The following FHIT variants were observed in gnomAD, a reference collection of about 807,000 sequenced individuals.
FHIT encodes the protein bis(5'-adenosyl)-triphosphatase.
FHIT carries 19 observed loss-of-function variants against 17.9 expected under a neutral mutation model. The observed-to-expected ratio is 1.06, with a 90% CI of 0.74 to 1.56. The LOEUF (loss-of-function observed/expected upper bound fraction) is 1.56. Among genes scored for constraint, FHIT ranks in the 40% most tolerant of loss-of-function variants. FHIT has a pLI of 0.00. For synonymous variants in FHIT, 81 were observed against 69.7 expected (o/e 1.16, Z -0.81); for missense variants, 248 against 189.2 (o/e 1.31, Z -1.82).
intron 5 of FHIT, among the ~76,000 whole-genome samples, chr3:60,115,454 C>A (rs181109909): frequency 6.6e-6 from 1 of 152,020 alleles, no homozygotes; most frequent in African/African-American, 2.4e-5. Flanking sequence ...AATAATAAAA[C>A]GGTAATTTTG....
intron 4 of FHIT, among the ~76,000 whole-genome samples, chr3:60,772,649 C>T (rs1389913161): frequency 6.6e-6 from 1 of 152,068 alleles, no homozygotes; most frequent in Non-Finnish European, 1.5e-5. Flanking sequence ...TAATGAGGGA[C>T]CAACTGAGGG....
intron 5 of FHIT, among the ~76,000 whole-genome samples, chr3:60,060,572 T>A (rs1013292897): frequency 6.6e-6 from 1 of 152,214 alleles, no homozygotes; most frequent in African/African-American, 2.4e-5. Flanking sequence ...CTCCTAAAAG[T>A]ATACTACCTA....
intron 4 of FHIT, among the ~76,000 whole-genome samples, chr3:60,613,798 C>T (rs924376973): frequency 1.4e-4 from 21 of 152,100 alleles, no homozygotes; most frequent in African/African-American, 5.1e-4. Context: ...AGCTTCTCCC[C>T]ATGCAACATA....
chr3:60,743,745 G>C (rs782169521), intron 4 of FHIT, among the ~76,000 whole-genome samples: 2 of 152,130 alleles, frequency 1.3e-5, no homozygotes, highest in African/African-American at 2.4e-5. Context: ...TGAGGGGCCT[G>C]GAGGAATTAA....
intron 5 of FHIT, among the ~76,000 whole-genome samples, chr3:60,085,725 A>G (rs1055554886): frequency 6.6e-6 from 1 of 152,210 alleles, no homozygotes. Context: ...CCTACAGGCC[A>G]AAATGGTTTA....
At chr3:59,966,720 G>T (rs1232918576) in intron 7 of FHIT, among the ~76,000 whole-genome samples, 2 of 152,156 alleles carry the variant, frequency 1.3e-5, no homozygotes, top group African/African-American at 4.8e-5. Flanking sequence ...TACCATGAAT[G>T]GAGCTTGTTG....
chr3:59,925,758 C>T (rs17061479), intron 7 of FHIT, among the ~76,000 whole-genome samples: 2,706 of 152,242 alleles, frequency 0.018, 76 homozygotes, highest in African/African-American at 0.059. Flanking sequence ...ACCCTGATAT[C>T]GTGACATAAA....
chr3:60,124,009 T>TATAGAGAGAGAGAGAG (rs1384962194), intron 5 of FHIT, among the ~76,000 whole-genome samples: 1 of 12,158 alleles, frequency 8.2e-5, no homozygotes, highest in Non-Finnish European at 1.5e-4. Flanking sequence ...TATATATATA[T>TATAGAGAGAGAGAGAG]AGAGAGAGAG....
At chr3:60,391,086 G>A (rs189622029) in intron 5 of FHIT, among the ~76,000 whole-genome samples, 254 of 152,208 alleles carry the variant, frequency 1.7e-3, no homozygotes, top group Non-Finnish European at 2.8e-3. Context: ...TTCTCATGAG[G>A]CTGAAGGACG....
chr3:60,391,420 G>A (rs549550913), intron 5 of FHIT, among the ~76,000 whole-genome samples: 10 of 152,226 alleles, frequency 6.6e-5, no homozygotes, highest in African/African-American at 2.4e-4. Flanking sequence ...TAGCCTAAGT[G>A]TATCATGTTT....
chr3:60,130,976 TATATACAC>T (rs1374768278), intron 5 of FHIT, among the ~76,000 whole-genome samples: 55 of 102,934 alleles, frequency 5.3e-4, no homozygotes, highest in Middle Eastern at 0.012. Context: ...GAAAGGTATA[TATATACAC>T]ATATATACAC....
intron 3 of FHIT, among the ~76,000 whole-genome samples, chr3:60,954,048 A>G (rs1709008221): frequency 6.6e-6 from 1 of 152,220 alleles, no homozygotes; most frequent in Admixed American, 6.5e-5. Context: ...CTGCTCCTGC[A>G]GAGTCCAGTA....
At chr3:60,754,407 G>A (rs930012241) in intron 4 of FHIT, among the ~76,000 whole-genome samples, 15 of 152,190 alleles carry the variant, frequency 9.9e-5, no homozygotes, top group Non-Finnish European at 1.9e-4. Flanking sequence ...TGCAGGATAT[G>A]GAGTGTCTTT....
intron 3 of FHIT, among the ~76,000 whole-genome samples, chr3:61,039,537 C>T (rs1261101653): frequency 6.6e-6 from 1 of 152,094 alleles, no homozygotes; most frequent in Non-Finnish European, 1.5e-5. Context: ...AAAAGGATGA[C>T]TTCATGTCCT....
At chr3:60,959,595 G>C (rs2107490173) in intron 3 of FHIT, among the ~76,000 whole-genome samples, 1 of 152,210 alleles carries the variant, frequency 6.6e-6, no homozygotes, top group African/African-American at 2.4e-5. Context: ...AGTTTGGAGA[G>C]GAGAAAACAT....
intron 1 of FHIT, among the ~76,000 whole-genome samples, chr3:61,211,559 C>T (rs2039475267): frequency 6.6e-6 from 1 of 152,346 alleles, no homozygotes; most frequent in South Asian, 2.1e-4. Context: ...CCTCTGTGGG[C>T]TCCACCTCTG....
At chr3:60,061,295 G>A (rs1005766091) in intron 5 of FHIT, among the ~76,000 whole-genome samples, 5 of 152,206 alleles carry the variant, frequency 3.3e-5, no homozygotes, top group African/African-American at 9.6e-5. Flanking sequence ...GGAATGTGAT[G>A]GCCCGAGGCC....
intron 7 of FHIT, among the ~76,000 whole-genome samples, chr3:59,969,722 C>A (rs1708091616): frequency 6.6e-6 from 1 of 152,008 alleles, no homozygotes; most frequent in African/African-American, 2.4e-5. Flanking sequence ...ATTCATGGTG[C>A]CTATAAGGTG....
chr3:60,310,534 C>T (rs1186279766), intron 5 of FHIT, among the ~76,000 whole-genome samples: 1 of 151,970 alleles, frequency 6.6e-6, no homozygotes, highest in Non-Finnish European at 1.5e-5. Flanking sequence ...CAAAAAGGCA[C>T]AGGTGCAGGA....
Sources: gnomAD v4.1 joint callset for allele counts (sites outside exome capture counted in the v4.1 genomes callset) on GRCh38, gnomAD v4.1.1 for gene constraint, MANE v1.5 for transcripts, NCBI Gene and HGNC (gene_info 2026-07-23, HGNC 2026-07-21) for gene names.